The following HS6ST3 variants were observed in gnomAD, a reference collection of about 807,000 sequenced individuals.
HS6ST3 encodes heparan-sulfate 6-O-sulfotransferase 3.
In HS6ST3, 12 loss-of-function variants were observed where a neutral mutation model predicts 36.7. The observed-to-expected ratio is 0.33, with a 90% CI of 0.21 to 0.53. The LOEUF is 0.53. Among genes scored for constraint, HS6ST3 ranks in the 20% least tolerant of loss-of-function variants. The probability of loss-of-function intolerance (pLI) is 0.95; values close to 1 mark genes in which losing one functional copy is unlikely to be tolerated. For missense variants in HS6ST3, 584 were observed against 640.9 expected (o/e 0.91, Z 0.96); for synonymous variants, 240 against 257.5 (o/e 0.93, Z 0.65).
intron 1 of HS6ST3, among the ~76,000 whole-genome samples, chr13:96,621,010 G>T (rs368219046): frequency 2.6e-5 from 4 of 152,304 alleles, no homozygotes; most frequent in African/African-American, 9.6e-5. Context: ...GGATCCCAGG[G>T]TGTGCTTTGG....
Position 96,423,511 on chromosome 13 carries a change from G to A in HS6ST3, c.707+331942G>A, listed in dbSNP as rs953584484. 9.2e-5 allele frequency among the ~76,000 whole-genome samples: 14 copies of A among 151,690 alleles called. No homozygotes were observed. The Middle Eastern group carries it at 0.01, about 111-fold the overall frequency. Reference sequence around the variant, plus strand: ...TGAGGGTGACTGTCTGATATGGGGTGGACAGTCAAGACCTCTGAAGAGGTG... The same window carrying A: ...TGAGGGTGACTGTCTGATATGGGGTAGACAGTCAAGACCTCTGAAGAGGTG... On this transcript the variant is annotated intron_variant, in intron 1 of 1. Coordinates refer to ENST00000376705, the MANE Select transcript of HS6ST3 (RefSeq NM_153456.4).
intron 1 of HS6ST3, among the ~76,000 whole-genome samples, chr13:96,284,429 T>G (rs2054790538): frequency 6.6e-6 from 1 of 152,190 alleles, no homozygotes; most frequent in Non-Finnish European, 1.5e-5. Context: ...TGGAGTCTGA[T>G]GATGTTCAAG....
Position 96,354,266 on chromosome 13 carries a change from A to G in HS6ST3, c.707+262697A>G, listed in dbSNP as rs1393248742. Among the ~76,000 whole-genome samples, 5 of 152,196 alleles carry G rather than the reference A, an allele frequency of 3.3e-5. No individual in the cohort carries two copies. The East Asian group carries it at 9.6e-4, about 29-fold the overall frequency. On this transcript the variant is annotated intron_variant, in intron 1 of 1. Transcript: ENST00000376705. ...CAGTTTGGGAACCCTAACATGCAGA[A>G]CACTGGTTGCTATAAAAATCATATT...
Position 96,459,100 on chromosome 13 carries a change from TAAAAAAA to T in HS6ST3, c.707+367550_707+367556del, listed in dbSNP as rs747439262. On this transcript the variant is annotated intron_variant, in intron 1 of 1. Coordinates refer to ENST00000376705, the MANE Select transcript of HS6ST3 (RefSeq NM_153456.4). Reference sequence around the variant, plus strand: ...GCCTGGGCGACAGAGCAAGACTGTCTAAAAAAAAAAAAAAAAAAAAAAAAAGAGGTGA... The same window carrying T: ...GCCTGGGCGACAGAGCAAGACTGTCTAAAAAAAAAAAAAAAAAAGAGGTGA... 2.5e-3 allele frequency among the ~76,000 whole-genome samples: 159 copies of T among 63,880 alleles called. 5 individuals carry two copies. The highest frequency in any genetic ancestry group is 9.8e-3 in the African/African-American group (109 of 11,142). 41.9% of individuals were successfully genotyped at this position (63,880 alleles called of 152,430 possible).
intron 1 of HS6ST3, among the ~76,000 whole-genome samples, chr13:96,711,026 C>T (rs1036919302): frequency 6.6e-6 from 1 of 152,198 alleles, no homozygotes; most frequent in African/African-American, 2.4e-5. Flanking sequence ...ACAAAAAGCA[C>T]CCTTTGTCCT....
chr13:96,433,626 A>G (rs2055627022), intron 1 of HS6ST3, among the ~76,000 whole-genome samples: 1 of 152,060 alleles, frequency 6.6e-6, no homozygotes, highest in Non-Finnish European at 1.5e-5. Context: ...GCCATGTGGA[A>G]CTGTGAGTCT....
At chr13:96,118,682 ATATATATTTTTTTTTTTT>A (rs2053909385) in intron 1 of HS6ST3, among the ~76,000 whole-genome samples, 2 of 22,226 alleles carry the variant, frequency 9.0e-5, no homozygotes, top group Non-Finnish European at 1.4e-4. Context: ...ATATATATAT[ATATATATTTTTTTTTTTT>A]TTTTTTTTTT....
chr13:96,286,363 C>A (rs2054802546), intron 1 of HS6ST3, among the ~76,000 whole-genome samples: 1 of 152,148 alleles, frequency 6.6e-6, no homozygotes. Flanking sequence ...TACATGCAGT[C>A]TTTGAAAGCT....
chr13:96,628,247 G>A (rs796288860), intron 1 of HS6ST3, among the ~76,000 whole-genome samples: 25 of 151,792 alleles, frequency 1.6e-4, no homozygotes, highest in Admixed American at 7.9e-4. Context: ...AAGATTTTCC[G>A]TTATTTCCTC....
intron 1 of HS6ST3, among the ~76,000 whole-genome samples, chr13:96,591,847 TTTA>T (rs1431759082): frequency 6.6e-6 from 1 of 152,118 alleles, no homozygotes; most frequent in Non-Finnish European, 1.5e-5. Flanking sequence ...ATGTAAGGTT[TTTA>T]TTATGTTGAG....
chr13:96,261,343 T>G (rs1007453114), intron 1 of HS6ST3, among the ~76,000 whole-genome samples: 6 of 150,984 alleles, frequency 4.0e-5, no homozygotes, highest in African/African-American at 1.5e-4. Context: ...TGTATATACA[T>G]AATGTAGTAA....
chr13:96,430,948 G>T (rs957064770), intron 1 of HS6ST3, among the ~76,000 whole-genome samples: 40 of 152,106 alleles, frequency 2.6e-4, no homozygotes, highest in Non-Finnish European at 4.1e-4. Context: ...AGTGGCTCAT[G>T]TCTATAGGCC....
intron 1 of HS6ST3, among the ~76,000 whole-genome samples, chr13:96,756,058 A>T (rs967136592): frequency 9.2e-5 from 14 of 152,146 alleles, no homozygotes; most frequent in Admixed American, 4.6e-4. Context: ...TTTAGCTTAC[A>T]CTTCCCTGTT....
chr13:96,776,812 A>G (rs1247383606), intron 1 of HS6ST3, among the ~76,000 whole-genome samples: 1 of 152,212 alleles, frequency 6.6e-6, no homozygotes, highest in African/African-American at 2.4e-5. Flanking sequence ...AACAATAGAA[A>G]CAGACAGACT....
chr13:96,593,321 T>A (rs1158585252), intron 1 of HS6ST3, among the ~76,000 whole-genome samples: 1 of 150,710 alleles, frequency 6.6e-6, no homozygotes, highest in Non-Finnish European at 1.5e-5. Flanking sequence ...GTACCTGGGA[T>A]TACAGGCGCA....
intron 1 of HS6ST3, among the ~76,000 whole-genome samples, chr13:96,209,528 C>T (rs2054388180): frequency 6.6e-6 from 1 of 152,092 alleles, no homozygotes; most frequent in African/African-American, 2.4e-5. Flanking sequence ...AATAGTGGGT[C>T]TGATAGTAGT....
At chr13:96,653,078 T>TTA (rs2056613088) in intron 1 of HS6ST3, among the ~76,000 whole-genome samples, 1 of 152,094 alleles carries the variant, frequency 6.6e-6, no homozygotes, top group African/African-American at 2.4e-5. Flanking sequence ...CTAAACTCTT[T>TTA]TCTGAGGTGG....
intron 1 of HS6ST3, among the ~76,000 whole-genome samples, chr13:96,711,606 CT>C (rs1875564060): frequency 1.3e-5 from 2 of 152,160 alleles, no homozygotes; most frequent in African/African-American, 4.8e-5. Context: ...TTAGTTTCCT[CT>C]TTGCATTCAT....
At chr13:96,443,355 C>T (rs1462061907) in intron 1 of HS6ST3, among the ~76,000 whole-genome samples, 1 of 151,548 alleles carries the variant, frequency 6.6e-6, no homozygotes, top group Admixed American at 6.6e-5. Context: ...ATGGTGAAAC[C>T]CTGGCTCTAC....
Sources: gnomAD v4.1 joint callset for allele counts (sites outside exome capture counted in the v4.1 genomes callset) on GRCh38, gnomAD v4.1.1 for gene constraint, MANE v1.5 for transcripts, NCBI Gene and HGNC (gene_info 2026-07-23, HGNC 2026-07-21) for gene names.